Variants in GPR39 observed in about 807,000 individuals in gnomAD.
GPR39 encodes the protein G protein-coupled receptor 39, also known as zinc sensing receptor.
Under a neutral mutation model 18.4 loss-of-function variants are expected in GPR39, and 23 were observed. That is an observed-to-expected ratio of 1.25 (90% CI 0.90 to 1.77). The LOEUF (loss-of-function observed/expected upper bound fraction) is 1.77, where lower values mean the gene tolerates loss of function less well. GPR39 is among the 40% of genes most tolerant of loss of function. GPR39 has a pLI of 0.00. For synonymous variants in GPR39, 280 were observed against 257.9 expected, an observed-to-expected ratio of 1.09 and a Z score of -0.82; for missense variants, 647 against 602.4, an observed-to-expected ratio of 1.07 and a Z score of -0.78.
intron 1 of GPR39, among the ~76,000 whole-genome samples, chr2:132,464,648 G>A (rs1680892917): frequency 6.6e-6 from 1 of 152,154 alleles, no homozygotes; most frequent in South Asian, 2.1e-4. Flanking sequence ...AGCTCTCAGG[G>A]GAAGGAGAGA....
chr2:132,491,359 T>C (rs1158017835), intron 1 of GPR39, among the ~76,000 whole-genome samples: 1 of 152,124 alleles, frequency 6.6e-6, no homozygotes, highest in Non-Finnish European at 1.5e-5. Flanking sequence ...GTGACCTCTT[T>C]TTAAAATTTT....
intron 1 of GPR39, among the ~76,000 whole-genome samples, chr2:132,550,945 A>G (rs1183589194): frequency 6.6e-6 from 1 of 152,198 alleles, no homozygotes; most frequent in Non-Finnish European, 1.5e-5. Flanking sequence ...AAGACCTACT[A>G]TAGTAGTTTC....
At chr2:132,558,483 A>G (rs1680193283) in intron 1 of GPR39, among the ~76,000 whole-genome samples, 1 of 152,220 alleles carries the variant, frequency 6.6e-6, no homozygotes, top group African/African-American at 2.4e-5. Context: ...TTGCATTTCT[A>G]AGGCCACATT....
intron 1 of GPR39, among the ~76,000 whole-genome samples, chr2:132,592,248 A>T (rs1363694406): frequency 1.3e-5 from 2 of 152,190 alleles, no homozygotes; most frequent in African/African-American, 2.4e-5. Context: ...GTGAAACTGT[A>T]GAGAGTGTGT....
chr2:132,533,749 C>T (rs1440931142), intron 1 of GPR39, among the ~76,000 whole-genome samples: 6 of 152,096 alleles, frequency 3.9e-5, no homozygotes, highest in African/African-American at 1.4e-4. Flanking sequence ...GAAAAGGATT[C>T]CCTATTTAAT....
chr2:132,528,938 G>A (rs368120469), intron 1 of GPR39, among the ~76,000 whole-genome samples: 250 of 152,268 alleles, frequency 1.6e-3, no homozygotes, highest in African/African-American at 5.2e-3. Flanking sequence ...CTCCCAGCAT[G>A]AGCGATGCAG....
At chr2:132,581,711 G>A (rs1004073784) in intron 1 of GPR39, among the ~76,000 whole-genome samples, 2 of 151,858 alleles carry the variant, frequency 1.3e-5, no homozygotes, top group Non-Finnish European at 2.9e-5. Context: ...GGAGGGAGCC[G>A]GTAGAAATAT....
At chr2:132,636,353 C>T (rs1278862718) in intron 1 of GPR39, among the ~76,000 whole-genome samples, 1 of 152,176 alleles carries the variant, frequency 6.6e-6, no homozygotes, top group Non-Finnish European at 1.5e-5. Context: ...TCCTCTGCCT[C>T]AGTCACAGGC....
Position 132,598,418 on chromosome 2 carries a change from G to A in GPR39, c.857-46683G>A, listed in dbSNP as rs142050462. On this transcript the variant is annotated intron_variant, in intron 1 of 1. Transcript: ENST00000329321. Reference sequence around the variant, plus strand: ...CATGTCCAAAGCTTCTGATTTGGCTGGTCTAAGGTGAACTTTTTTTTTTTT... The same window carrying A: ...CATGTCCAAAGCTTCTGATTTGGCTAGTCTAAGGTGAACTTTTTTTTTTTT... Among the ~76,000 whole-genome samples the A allele has an allele frequency of 6.3e-5, 9 of 142,636 alleles. No individual in the cohort carries two copies. The East Asian group carries it at 1.9e-3, about 31-fold the overall frequency. 93.6% of individuals were successfully genotyped at this position (142,636 alleles called of 152,430 possible). A position where few individuals can be genotyped will look rare whatever the true frequency, so the allele number is the denominator to read the frequency against.
chr2:132,556,888 C>T (rs1276231195), intron 1 of GPR39, among the ~76,000 whole-genome samples: 1 of 152,190 alleles, frequency 6.6e-6, no homozygotes, highest in Non-Finnish European at 1.5e-5. Flanking sequence ...AAATACTTTA[C>T]TGAAATCCAT....
Position 132,570,327 on chromosome 2 carries a change from T to C in GPR39, c.857-74774T>C, listed in dbSNP as rs1179131687. On this transcript the variant is annotated intron_variant, in intron 1 of 1. Transcript: ENST00000329321. The stretch of plus-strand genomic sequence containing the variant: ...CCTTCTCTCAGTTGGGCTCAATATC[T>C]GCTCCAGGGAAGTCTCCACGTTCAC... Among the ~76,000 whole-genome samples, 6 of 152,268 alleles carry C rather than the reference T, an allele frequency of 3.9e-5. No individual in the cohort carries two copies. The South Asian group carries it at 8.3e-4, about 21-fold the overall frequency.
At chr2:132,513,216 A>C (rs2104760238) in intron 1 of GPR39, among the ~76,000 whole-genome samples, 1 of 152,338 alleles carries the variant, frequency 6.6e-6, no homozygotes, top group South Asian at 2.1e-4. Flanking sequence ...TAGCCCCAGA[A>C]GTAGGACAGC....
At position 132,417,141 on chromosome 2, in the gene GPR39, T is replaced by C; in HGVS notation, c.99T>C (p.Leu33=). Residue 33 remains leucine, a synonymous_variant, in exon 1 of 2, where the codon CTT becomes CTC. Coordinates refer to ENST00000329321, the MANE Select transcript of GPR39 (RefSeq NM_001508.3). ...FEVATWIKIT[L]ILVYLIIFVM... is the part of the protein sequence containing the mutation. ...TGGCCACCTGGATCAAAATCACCCT[T>C]ATTCTGGTGTACCTGATCATCTTCG... The C allele has an allele frequency of 2.5e-6, 4 of 1,614,130 alleles. No homozygotes were observed. The East Asian group carries it at 6.7e-5, about 27-fold the overall frequency.
At chr2:132,485,365 G>C (rs1681312245) in intron 1 of GPR39, among the ~76,000 whole-genome samples, 1 of 152,200 alleles carries the variant, frequency 6.6e-6, no homozygotes, top group South Asian at 2.1e-4. Flanking sequence ...AGTTAGGGTA[G>C]TTGTGACAAT....
intron 1 of GPR39, among the ~76,000 whole-genome samples, chr2:132,643,016 A>G (rs145147654): frequency 6.6e-6 from 1 of 152,326 alleles, no homozygotes; most frequent in East Asian, 1.9e-4. Flanking sequence ...CTTAAGATGA[A>G]TTTGGAATAG....
At chr2:132,532,480 C>G (rs1005620169) in intron 1 of GPR39, among the ~76,000 whole-genome samples, 2 of 152,232 alleles carry the variant, frequency 1.3e-5, no homozygotes, top group African/African-American at 4.8e-5. Context: ...AGGGAATCCT[C>G]CCTAACTCAT....
At chr2:132,637,766 C>T (rs1339228263) in intron 1 of GPR39, among the ~76,000 whole-genome samples, 1 of 152,202 alleles carries the variant, frequency 6.6e-6, no homozygotes, top group Non-Finnish European at 1.5e-5. Context: ...TCAACTGCAT[C>T]CCATCCATGC....
At chr2:132,567,479 C>T (rs1188605959) in intron 1 of GPR39, among the ~76,000 whole-genome samples, 1 of 152,176 alleles carries the variant, frequency 6.6e-6, no homozygotes, top group African/African-American at 2.4e-5. Flanking sequence ...GGCTCATGCT[C>T]CAGCCCTCTC....
At position 132,552,244 on chromosome 2, in the gene GPR39, C is replaced by T. The variant is rs374589637; in HGVS notation, c.857-92857C>T. Among the ~76,000 whole-genome samples, 13 of 152,000 alleles carry T rather than the reference C, an allele frequency of 8.6e-5. No homozygotes were observed. In the East Asian group the frequency reaches 1.7e-3, roughly 20 times the overall value. On this transcript the variant is annotated intron_variant, in intron 1 of 1. Transcript: ENST00000329321. ...CAAATCTCATGTTGAATTGTAATCC[C>T]CAGTGTTAGAGGTGGGACCTGGTCG...
Sources: allele counts gnomAD v4.1 joint callset (sites outside exome capture counted in the v4.1 genomes callset), GRCh38; gene constraint gnomAD v4.1.1; transcripts MANE v1.5; gene names NCBI Gene and HGNC (gene_info 2026-07-23, HGNC 2026-07-21).